LSAMP: variants seen among roughly 807,000 people sequenced by gnomAD.
LSAMP encodes the protein limbic system-associated membrane protein.
LSAMP carries 7 observed loss-of-function variants against 38.6 expected under a neutral mutation model. The ratio of observed to expected loss-of-function variants is 0.18; its 90% confidence interval spans 0.10 to 0.34. The LOEUF (loss-of-function observed/expected upper bound fraction) is 0.34, where lower values mean the gene tolerates loss of function less well. Among genes scored for constraint, LSAMP ranks in the 10% least tolerant of loss-of-function variants. The pLI is 1.00. For synonymous variants in LSAMP, 154 were observed against 166.8 expected (o/e 0.92, Z 0.59); for missense variants, 313 against 420.0 (o/e 0.75, Z 2.23).
intron 3 of LSAMP, among the ~76,000 whole-genome samples, chr3:115,885,512 C>T (rs1936429662): frequency 6.6e-6 from 1 of 151,442 alleles, no homozygotes; most frequent in Admixed American, 6.6e-5. Flanking sequence ...AATATGAGGA[C>T]AGACTGAAAG....
chr3:116,110,992 G>T (rs149840211), intron 1 of LSAMP, among the ~76,000 whole-genome samples: 2 of 151,356 alleles, frequency 1.3e-5, no homozygotes, highest in African/African-American at 4.9e-5. Flanking sequence ...GGGCAGGGGC[G>T]GGGGGTCACA....
intron 3 of LSAMP, among the ~76,000 whole-genome samples, chr3:115,935,597 G>C (rs904798460): frequency 2.6e-5 from 4 of 152,102 alleles, no homozygotes; most frequent in Non-Finnish European, 5.9e-5. Context: ...CTTATCTTAC[G>C]AGAGTTGATT....
intron 3 of LSAMP, among the ~76,000 whole-genome samples, chr3:115,937,135 CAT>C (rs1937729948): frequency 6.6e-6 from 1 of 152,036 alleles, no homozygotes. Flanking sequence ...AACCTGAAAA[CAT>C]GTGCTCTATC....
At chr3:116,142,767 G>A (rs1278264750) in intron 1 of LSAMP, among the ~76,000 whole-genome samples, 1 of 151,846 alleles carries the variant, frequency 6.6e-6, no homozygotes, top group Non-Finnish European at 1.5e-5. Context: ...CAGTAGAATA[G>A]AAACATCAGG....
chr3:116,086,446 C>G lies in LSAMP; in HGVS notation c.266G>C (p.Arg89Pro). Residue 89 changes from arginine (R) to proline (P), a missense_variant, in exon 2 of 7, where the codon CGC (arginine) becomes CCC (proline). Physicochemically the swap from Arg to Pro is moderately radical, Grantham distance 103. Coordinates refer to ENST00000490035, the MANE Select transcript of LSAMP (RefSeq NM_002338.5). ...TCGGAGGCTGTATTCCAGAGAATGGCGTTTCTCCAGCTCAACCCGTGGGTC... is the reference window on the plus strand; with the variant it reads ...TCGGAGGCTGTATTCCAGAGAATGGGGTTTCTCCAGCTCAACCCGTGGGTC... ...SLDPRVELEK[R>P]HSLEYSLRIQ... 2 of 1,614,074 alleles carry G rather than the reference C, an allele frequency of 1.2e-6. No individual in the cohort carries two copies. The highest frequency in any genetic ancestry group is 1.7e-6 in the Non-Finnish European group (2 of 1,179,996).
At chr3:116,063,035 T>C (rs1941623766) in intron 2 of LSAMP, among the ~76,000 whole-genome samples, 1 of 152,202 alleles carries the variant, frequency 6.6e-6, no homozygotes, top group Non-Finnish European at 1.5e-5. Context: ...ACAATTCTTA[T>C]ACTGCTTATA....
chr3:116,405,166 C>T (rs185677416), intron 1 of LSAMP, among the ~76,000 whole-genome samples: 131 of 152,132 alleles, frequency 8.6e-4, no homozygotes, highest in Non-Finnish European at 1.1e-3. Context: ...TGGTACTGAC[C>T]GCAATACTTC....
chr3:116,289,055 T>C (rs974874442), intron 1 of LSAMP, among the ~76,000 whole-genome samples: 7 of 152,206 alleles, frequency 4.6e-5, no homozygotes, highest in African/African-American at 1.4e-4. Context: ...ACTGAATTCA[T>C]AGAACCATGA....
At chr3:115,837,194 ATT>A (rs1934816496) in intron 6 of LSAMP, among the ~76,000 whole-genome samples, 1 of 152,212 alleles carries the variant, frequency 6.6e-6, no homozygotes, top group Admixed American at 6.5e-5. Context: ...AGCACTTGAA[ATT>A]TAGTCAACTA....
chr3:116,033,550 C>T (rs1940977391), intron 2 of LSAMP, among the ~76,000 whole-genome samples: 1 of 152,134 alleles, frequency 6.6e-6, no homozygotes, highest in African/African-American at 2.4e-5. Context: ...CATAAACACG[C>T]ACAACACCTG....
At chr3:116,393,372 C>T (rs918779928) in intron 1 of LSAMP, among the ~76,000 whole-genome samples, 1 of 152,200 alleles carries the variant, frequency 6.6e-6, no homozygotes, top group African/African-American at 2.4e-5. Context: ...GGTCTAGCTG[C>T]AGCCTCACAG....
intron 3 of LSAMP, among the ~76,000 whole-genome samples, chr3:115,908,867 T>A (rs1424231689): frequency 6.6e-6 from 1 of 152,180 alleles, no homozygotes; most frequent in Non-Finnish European, 1.5e-5. Context: ...ATGTTTGACC[T>A]TCTGTCCGGC....
intron 2 of LSAMP, among the ~76,000 whole-genome samples, chr3:116,040,646 G>C (rs1941148695): frequency 6.6e-6 from 1 of 152,216 alleles, no homozygotes; most frequent in African/African-American, 2.4e-5. Context: ...GAATACCTTT[G>C]ATGGAATGTA....
chr3:116,339,903 G>C (rs2047970365), intron 1 of LSAMP, among the ~76,000 whole-genome samples: 1 of 152,066 alleles, frequency 6.6e-6, no homozygotes, highest in Non-Finnish European at 1.5e-5. Context: ...TCCCAGGCTT[G>C]AGTGATGAAC....
chr3:116,073,473 C>T (rs747281147), intron 2 of LSAMP, among the ~76,000 whole-genome samples: 3 of 152,058 alleles, frequency 2.0e-5, no homozygotes, highest in Non-Finnish European at 2.9e-5. Flanking sequence ...GATAGTTTAA[C>T]GGGAATAGCA....
At chr3:115,847,313 A>G (rs1935191098) in intron 4 of LSAMP, among the ~76,000 whole-genome samples, 1 of 152,240 alleles carries the variant, frequency 6.6e-6, no homozygotes. Flanking sequence ...GATGTAGGCC[A>G]TAAGAAACAC....
intron 1 of LSAMP, among the ~76,000 whole-genome samples, chr3:116,176,484 A>G (rs1357459528): frequency 6.6e-6 from 1 of 152,140 alleles, no homozygotes; most frequent in Non-Finnish European, 1.5e-5. Flanking sequence ...TACTTGTCAA[A>G]GTAGTGAAAG....
chr3:115,844,399 T>C (rs904691901), intron 4 of LSAMP, among the ~76,000 whole-genome samples: 1 of 152,208 alleles, frequency 6.6e-6, no homozygotes, highest in Non-Finnish European at 1.5e-5. Context: ...TCTGTACCAG[T>C]TTGAGCCTTT....
intron 6 of LSAMP, among the ~76,000 whole-genome samples, chr3:115,839,811 T>C (rs1217942861): frequency 6.6e-6 from 1 of 152,236 alleles, no homozygotes. Context: ...GGGTGACTTC[T>C]ACTAAATCAT....
Sources: gnomAD v4.1 joint callset for allele counts (sites outside exome capture counted in the v4.1 genomes callset) on GRCh38, gnomAD v4.1.1 for gene constraint, MANE v1.5 for transcripts, NCBI Gene and HGNC (gene_info 2026-07-23, HGNC 2026-07-21) for gene names.